The following GRK5 variants were observed in gnomAD, a reference collection of about 807,000 sequenced individuals.
GRK5 encodes g protein-coupled receptor kinase GRK5.
In GRK5, 40 loss-of-function variants were observed where a neutral mutation model predicts 78.4. The observed-to-expected ratio is 0.51, with a 90% confidence interval of 0.40 to 0.66. GRK5 has a LOEUF of 0.66. Ranked by LOEUF, GRK5 falls within the 30% of genes least tolerant of loss-of-function variation. The pLI, the probability that GRK5 is intolerant of heterozygous loss-of-function variation, is 0.00. For missense variants in GRK5, 598 were observed against 759.9 expected, an observed-to-expected ratio of 0.79 and a Z score of 2.50; for synonymous variants, 289 against 296.8, an observed-to-expected ratio of 0.97 and a Z score of 0.27.
At chr10:119,435,592 C>T (rs937544283) in intron 8 of GRK5, among the ~76,000 whole-genome samples, 5 of 152,364 alleles carry the variant, frequency 3.3e-5, no homozygotes, top group South Asian at 2.1e-4. Context: ...ACCACCTCAG[C>T]CTGGACTTTA....
At chr10:119,320,917 G>T (rs556949936) in intron 1 of GRK5, among the ~76,000 whole-genome samples, 1 of 152,282 alleles carries the variant, frequency 6.6e-6, no homozygotes, top group Admixed American at 6.5e-5. Context: ...AGCGGGGGCC[G>T]TAGGGCCAGG....
At chr10:119,245,049 G>A (rs56095167) in intron 1 of GRK5, among the ~76,000 whole-genome samples, 35,868 of 152,116 alleles carry the variant, frequency 0.24, 5,174 homozygotes, top group Middle Eastern at 0.39. Context: ...AGGCCGAGGT[G>A]GGTGGATCAC....
At chr10:119,246,067 A>G (rs1849106833) in intron 1 of GRK5, among the ~76,000 whole-genome samples, 1 of 151,670 alleles carries the variant, frequency 6.6e-6, no homozygotes. Flanking sequence ...AAATTTGTTA[A>G]GAGAACAGAT....
chr10:119,434,973 G>T (rs375170730), intron 8 of GRK5, among the ~76,000 whole-genome samples: 1 of 152,194 alleles, frequency 6.6e-6, no homozygotes, highest in Non-Finnish European at 1.5e-5. Flanking sequence ...CTGTGCACTC[G>T]CAGGCTCAAC....
Position 119,336,947 on chromosome 10 carries a change from C to T in GRK5, c.148+10336C>T, listed in dbSNP as rs1850899801. Reference sequence around the variant, plus strand: ...CTCACCTCCCCACTACGGCCGGAAGCTCCTTGAAAGAGAAGGCACGAGCTC... The same window carrying T: ...CTCACCTCCCCACTACGGCCGGAAGTTCCTTGAAAGAGAAGGCACGAGCTC... On this transcript the variant is annotated intron_variant, in intron 2 of 15. Coordinates refer to ENST00000392870, the MANE Select transcript of GRK5 (RefSeq NM_005308.3). The surrounding 1 kb of genome is among the most constrained non-coding windows in gnomAD (Gnocchi z 4.5). Among the ~76,000 whole-genome samples the T allele has an allele frequency of 6.6e-6, 1 of 152,192 alleles. No homozygotes were observed. Among genetic ancestry groups the T allele is most frequent in the African/African-American group, 2.4e-5 (1 of 41,440 alleles).
chr10:119,207,653 TGGGGGGGAGCGTGTTGAGGGAGGGGGGA>T lies in GRK5; in HGVS notation c.-258_-231del, dbSNP rs1848406673. Reference sequence around the variant, plus strand: ...ACAGAGACACGCGGAGGGTGGGGGGTGGGGGGGAGCGTGTTGAGGGAGGGGGGAGGGGGGACACAGAGGGAGGAAGAAG... The same window carrying T: ...ACAGAGACACGCGGAGGGTGGGGGGTGGGGGGACACAGAGGGAGGAAGAAG... On this transcript the variant is annotated 5_prime_UTR_variant, in exon 1 of 16. Transcript: ENST00000392870. 2 of 158,940 alleles carry T rather than the reference TGGGGGGGAGCGTGTTGAGGGAGGGGGGA, an allele frequency of 1.3e-5. No homozygotes were observed. Among genetic ancestry groups the T allele is most frequent in the South Asian group, 8.6e-5 (2 of 23,196 alleles). 9.8% of individuals were successfully genotyped at this position (158,940 alleles called of 1,614,324 possible).
chr10:119,366,502 G>A (rs1316542002), intron 2 of GRK5, among the ~76,000 whole-genome samples: 3 of 152,212 alleles, frequency 2.0e-5, no homozygotes, highest in Admixed American at 2.0e-4. Context: ...ACTCAGGGCA[G>A]GAGGGGGGCA....
At chr10:119,403,822 T>G (rs1258440937) in intron 4 of GRK5, among the ~76,000 whole-genome samples, 2 of 152,018 alleles carry the variant, frequency 1.3e-5, no homozygotes, top group African/African-American at 4.8e-5. Flanking sequence ...TTATTAGAGA[T>G]GGGGTTTTCG....
intron 1 of GRK5, among the ~76,000 whole-genome samples, chr10:119,278,947 G>C (rs1849711610): frequency 1.3e-5 from 2 of 152,128 alleles, no homozygotes; most frequent in South Asian, 4.1e-4. Context: ...GTGCAGTCTT[G>C]GCTCACTGCA....
intron 3 of GRK5, among the ~76,000 whole-genome samples, chr10:119,394,843 G>T (rs1231367087): frequency 6.6e-6 from 1 of 151,820 alleles, no homozygotes; most frequent in Non-Finnish European, 1.5e-5. Context: ...CTGTGGGCAC[G>T]TGTGTGTGCA....
chr10:119,441,437 C>G (rs1853033306), intron 10 of GRK5, among the ~76,000 whole-genome samples: 1 of 152,232 alleles, frequency 6.6e-6, no homozygotes, highest in South Asian at 2.1e-4. Context: ...AGCTCAGCGT[C>G]TCCCGCTCTG....
At position 119,402,708 on chromosome 10, in the gene GRK5, G is replaced by T. The variant is rs942614373; in HGVS notation, c.339+5936G>T. 2.0e-5 allele frequency among the ~76,000 whole-genome samples: 3 copies of T among 152,226 alleles called. No individual in the cohort carries two copies. The South Asian group carries it at 6.2e-4, about 32-fold the overall frequency. On this transcript the variant is annotated intron_variant, in intron 4 of 15. Coordinates refer to ENST00000392870, the MANE Select transcript of GRK5 (RefSeq NM_005308.3). ...TCTCCACTAAAAATACAAAAAATCA[G>T]CTGGGCATGGTGGCCCACACCTGTA... is the stretch of plus-strand genomic sequence containing the variant.
At chr10:119,233,439 A>G (rs1564857481) in intron 1 of GRK5, among the ~76,000 whole-genome samples, 1 of 151,746 alleles carries the variant, frequency 6.6e-6, no homozygotes, top group Non-Finnish European at 1.5e-5. Flanking sequence ...GGAAACTTGG[A>G]GCTCTTGGTG....
chr10:119,251,322 TA>T (rs1849196213), intron 1 of GRK5, among the ~76,000 whole-genome samples: 1 of 152,240 alleles, frequency 6.6e-6, no homozygotes, highest in African/African-American at 2.4e-5. Context: ...AAAGGCTCTG[TA>T]AGAGTATTTC....
chr10:119,385,016 G>A (rs761486477), intron 3 of GRK5, among the ~76,000 whole-genome samples: 3 of 152,288 alleles, frequency 2.0e-5, no homozygotes, highest in East Asian at 1.9e-4. Flanking sequence ...CCAGGAAGTC[G>A]TTGGAGGAGT....
At chr10:119,251,305 A>G (rs17098589) in intron 1 of GRK5, among the ~76,000 whole-genome samples, 14,456 of 152,298 alleles carry the variant, frequency 0.095, 779 homozygotes, top group Admixed American at 0.15. Context: ...AAAGCAGACT[A>G]TAACCAAAAG....
rs896099715 is a variant in GRK5, at chr10:119,224,030, A to T, written c.52+16061A>T. Among the ~76,000 whole-genome samples the T allele has an allele frequency of 2.6e-5, 4 of 152,014 alleles. No homozygotes were observed. In the East Asian group the frequency reaches 7.7e-4, roughly 29 times the overall value. On this transcript the variant is annotated intron_variant, in intron 1 of 15. Coordinates refer to ENST00000392870, the MANE Select transcript of GRK5 (RefSeq NM_005308.3). ...AGAACCCCAAGTCCGGCACGGTGGC[A>T]CTCACCTGTAGTCCCAGCTACTCCC...
At position 119,442,235 on chromosome 10, in the gene GRK5, G is replaced by C. The variant is rs985982573; in HGVS notation, c.1057+147G>C. The C allele has an allele frequency of 1.4e-5, 10 of 722,530 alleles. No individual in the cohort carries two copies. In the East Asian group the frequency reaches 2.2e-4, roughly 16 times the overall value. The allele number at this position is 722,530 out of a possible 1,614,324, so 44.8% of individuals were successfully genotyped here. A position where few individuals can be genotyped will look rare whatever the true frequency, so the allele number is the denominator to read the frequency against. Reference sequence around the variant, plus strand: ...GAGTCACAGTCTCTGCAGGGCTGCTGGGGGGCGGCCTTAGCCAGGGGGAGG... The same window carrying C: ...GAGTCACAGTCTCTGCAGGGCTGCTCGGGGGCGGCCTTAGCCAGGGGGAGG... On this transcript the variant is annotated intron_variant, in intron 11 of 15. Coordinates refer to ENST00000392870, the MANE Select transcript of GRK5 (RefSeq NM_005308.3).
intron 2 of GRK5, among the ~76,000 whole-genome samples, chr10:119,348,629 C>T (rs930715679): frequency 3.3e-5 from 5 of 152,158 alleles, no homozygotes; most frequent in East Asian, 3.9e-4. Flanking sequence ...TCAGGCAGGA[C>T]GATGCTATGT....
Sources: allele counts gnomAD v4.1 joint callset (sites outside exome capture counted in the v4.1 genomes callset), GRCh38; gene constraint gnomAD v4.1.1; non-coding constraint Gnocchi (gnomAD v3.1); transcripts MANE v1.5; gene names NCBI Gene and HGNC (gene_info 2026-07-23, HGNC 2026-07-21).